Variants in FHIT observed in about 807,000 individuals in gnomAD.
FHIT encodes bis(5'-adenosyl)-triphosphatase.
A neutral mutation model predicts 17.9 loss-of-function variants in FHIT; 19 were observed. The ratio of observed to expected loss-of-function variants is 1.06; its 90% CI spans 0.74 to 1.56. The LOEUF (loss-of-function observed/expected upper bound fraction) is 1.56, where lower values mean the gene tolerates loss of function less well. FHIT is among the 40% of genes most tolerant of loss of function. The pLI is 0.00. For missense variants in FHIT, 248 were observed against 189.2 expected (o/e 1.31, Z -1.82); for synonymous variants, 81 against 69.7 (o/e 1.16, Z -0.81).
rs375754815 is a variant in FHIT at position 60,517,266 on chromosome 3, A to G, written c.103+19594T>C. Among the ~76,000 whole-genome samples the G allele has an allele frequency of 3.9e-5, 6 of 152,372 alleles. 1 individual carries two copies. Among genetic ancestry groups the G allele is most frequent in the Admixed American group, 6.5e-5 (1 of 15,306 alleles). On this transcript the variant is annotated intron_variant, in intron 5 of 9. Coordinates refer to ENST00000492590, the MANE Select transcript of FHIT (RefSeq NM_002012.4). ...GTCATTCAGGAGGTGATTTGAGAAC[A>G]CACAACTTGTTGTAGATATCTTTCT...
intron 1 of FHIT, among the ~76,000 whole-genome samples, chr3:61,218,996 T>C (rs762527016): frequency 1.1e-4 from 16 of 152,204 alleles, no homozygotes; most frequent in Non-Finnish European, 1.8e-4. Flanking sequence ...CATCACTGCA[T>C]GTACTTACAC....
chr3:60,309,455 GATT>G (rs1280275951), intron 5 of FHIT, among the ~76,000 whole-genome samples: 4 of 152,126 alleles, frequency 2.6e-5, no homozygotes, highest in African/African-American at 9.7e-5. Flanking sequence ...ACTGCAGAAT[GATT>G]ATGACAGTCC....
chr3:61,072,633 G>C (rs1355486385), intron 2 of FHIT, among the ~76,000 whole-genome samples: 1 of 152,030 alleles, frequency 6.6e-6, no homozygotes, highest in Non-Finnish European at 1.5e-5. Flanking sequence ...AAAAAACCTT[G>C]ATACTTGATA....
intron 5 of FHIT, among the ~76,000 whole-genome samples, chr3:60,042,790 A>G (rs1212092341): frequency 6.6e-6 from 1 of 152,160 alleles, no homozygotes; most frequent in Non-Finnish European, 1.5e-5. Context: ...AAAGATATTA[A>G]TGTTCAAAAA....
chr3:59,970,373 C>A (rs933249920), intron 7 of FHIT, among the ~76,000 whole-genome samples: 1 of 152,086 alleles, frequency 6.6e-6, no homozygotes, highest in African/African-American at 2.4e-5. Flanking sequence ...CTCATCCCAA[C>A]AGATGTTTAT....
chr3:60,101,294 C>A (rs1459438423), intron 5 of FHIT, among the ~76,000 whole-genome samples: 1 of 152,226 alleles, frequency 6.6e-6, no homozygotes, highest in African/African-American at 2.4e-5. Context: ...GTACAGATGG[C>A]CATGTCCACC....
intron 4 of FHIT, among the ~76,000 whole-genome samples, chr3:60,569,755 A>T (rs372712005): frequency 0.15 from 11,253 of 77,272 alleles, 1,024 homozygotes; most frequent in Middle Eastern, 0.27. Flanking sequence ...ATATATATAT[A>T]TTTTTTTTTT....
At chr3:60,072,087 T>C (rs886395757) in intron 5 of FHIT, among the ~76,000 whole-genome samples, 15 of 152,112 alleles carry the variant, frequency 9.9e-5, no homozygotes, top group African/African-American at 3.6e-4. Flanking sequence ...TAATAAAGAC[T>C]TGAAGGACAT....
At chr3:60,924,374 A>C (rs992160547) in intron 3 of FHIT, among the ~76,000 whole-genome samples, 5 of 152,096 alleles carry the variant, frequency 3.3e-5, no homozygotes, top group African/African-American at 9.7e-5. Context: ...CAGAGGAACA[A>C]TCAGTCAGGA....
intron 9 of FHIT, chr3:59,750,895 A>G (rs953784210): frequency 5.0e-6 from 1 of 199,016 alleles, no homozygotes; most frequent in African/African-American, 2.3e-5. Flanking sequence ...TTTCCAATCA[A>G]TTGCTAACAG....
Position 59,750,920 on chromosome 3 carries a change from TTTTG to T in FHIT, c.*5+1297_*5+1300del, listed in dbSNP as rs577461326. 1,466 of 193,380 alleles carry T rather than the reference TTTTG, an allele frequency of 7.6e-3. 8 individuals are homozygous for T. Among genetic ancestry groups the T allele is most frequent in the Middle Eastern group, 0.016 (9 of 562 alleles). The allele number at this position is 193,380 out of a possible 1,614,324, so 12.0% of individuals were successfully genotyped here. A position where few individuals can be genotyped will look rare whatever the true frequency, so the allele number is the denominator to read the frequency against. ...ATTGCTAACAGCATTTATTCACTAATTTTGTTTTTTATTTGTGTCTGATCTACTT... is the reference window on the plus strand; with the variant it reads ...ATTGCTAACAGCATTTATTCACTAATTTTTTTATTTGTGTCTGATCTACTT... On this transcript the variant is annotated intron_variant, in intron 9 of 9. Coordinates refer to ENST00000492590, the MANE Select transcript of FHIT (RefSeq NM_002012.4).
At chr3:60,314,299 C>T (rs1709073427) in intron 5 of FHIT, among the ~76,000 whole-genome samples, 1 of 152,050 alleles carries the variant, frequency 6.6e-6, no homozygotes, top group South Asian at 2.1e-4. Flanking sequence ...ATTCATTACC[C>T]ATAAATCAAA....
In FHIT at chr3:60,192,049, G is replaced by C. The variant is rs186013014; in HGVS notation, c.104-177897C>G. Among the ~76,000 whole-genome samples the C allele has an allele frequency of 3.3e-5, 5 of 151,980 alleles. No homozygotes were observed. In the East Asian group the frequency reaches 7.8e-4, roughly 24 times the overall value. ...GTGGATTACTTGAGACCAGGAGTTC[G>C]AGACCAGCCTAGCAAACATGGCGAA... On this transcript the variant is annotated intron_variant, in intron 5 of 9. Coordinates refer to ENST00000492590, the MANE Select transcript of FHIT (RefSeq NM_002012.4).
intron 5 of FHIT, among the ~76,000 whole-genome samples, chr3:60,507,299 T>C (rs1215057495): frequency 6.6e-6 from 1 of 152,090 alleles, no homozygotes; most frequent in Non-Finnish European, 1.5e-5. Flanking sequence ...AAACACGATT[T>C]GGTGGAGGAA....
At chr3:60,155,876 C>T (rs1490200265) in intron 5 of FHIT, among the ~76,000 whole-genome samples, 2 of 152,172 alleles carry the variant, frequency 1.3e-5, no homozygotes, top group African/African-American at 4.8e-5. Context: ...CTCCTTTAGA[C>T]TCCCTCTCTC....
chr3:60,471,232 G>A (rs1019485131), intron 5 of FHIT, among the ~76,000 whole-genome samples: 1 of 152,190 alleles, frequency 6.6e-6, no homozygotes, highest in African/African-American at 2.4e-5. Flanking sequence ...TATCTTCTTA[G>A]GTCATGTGTA....
chr3:60,455,514 T>C (rs1177749953), intron 5 of FHIT, among the ~76,000 whole-genome samples: 2 of 152,216 alleles, frequency 1.3e-5, no homozygotes, highest in Non-Finnish European at 2.9e-5. Flanking sequence ...CAAAATGTGA[T>C]AATGTTTTGT....
chr3:60,524,692 A>C (rs951362759), intron 5 of FHIT, among the ~76,000 whole-genome samples: 3 of 150,808 alleles, frequency 2.0e-5, no homozygotes, highest in African/African-American at 7.3e-5. Flanking sequence ...GGCTGTCAGC[A>C]TTCCTTGACT....
At chr3:60,384,062 G>A (rs949947800) in intron 5 of FHIT, among the ~76,000 whole-genome samples, 5 of 152,068 alleles carry the variant, frequency 3.3e-5, no homozygotes, top group Non-Finnish European at 1.5e-5. Context: ...GAGGTCAGGA[G>A]ATCAAGACCA....
Sources: gnomAD v4.1 joint callset for allele counts (sites outside exome capture counted in the v4.1 genomes callset) on GRCh38, gnomAD v4.1.1 for gene constraint, MANE v1.5 for transcripts, NCBI Gene and HGNC (gene_info 2026-07-23, HGNC 2026-07-21) for gene names.